CYFIP1: variants seen among roughly 807,000 people sequenced by gnomAD.
CYFIP1 encodes the protein cytoplasmic FMR1-interacting protein 1.
CYFIP1 carries 58 observed loss-of-function variants against 163.5 expected under a neutral mutation model. That is an observed-to-expected ratio of 0.35 (90% CI 0.29 to 0.44). The LOEUF (loss-of-function observed/expected upper bound fraction) is 0.44, where lower values mean the gene tolerates loss of function less well. Ranked by LOEUF, CYFIP1 falls within the 20% of genes least tolerant of loss-of-function variation. The pLI, the probability that CYFIP1 is intolerant of heterozygous loss-of-function variation, is 1.00. For synonymous variants in CYFIP1, 663 were observed against 660.7 expected (o/e 1.00, Z -0.05); for missense variants, 1,338 against 1,653.8 (o/e 0.81, Z 3.31).
In CYFIP1 at chr15:22,892,995, A is replaced by C; in HGVS notation, c.2589-18T>G. On this transcript the variant is annotated intron_variant, in intron 22 of 30. Coordinates refer to ENST00000617928, the MANE Select transcript of CYFIP1 (RefSeq NM_014608.6). Reference sequence around the variant, plus strand: ...GAACAAACCTAAACAAGAAAGATTTAAAAAAGAAAAAGAAACCAAATTTAA... The same window carrying C: ...GAACAAACCTAAACAAGAAAGATTTCAAAAAGAAAAAGAAACCAAATTTAA... 2 of 1,587,774 alleles carry C rather than the reference A, an allele frequency of 1.3e-6. No homozygotes were observed. The highest frequency in any genetic ancestry group is 1.7e-6 in the Non-Finnish European group (2 of 1,160,078).
Position 22,944,923 on chromosome 15 carries a change from T to C in CYFIP1, c.224A>G (p.Glu75Gly). 2 of 1,614,004 alleles carry C rather than the reference T, an allele frequency of 1.2e-6. No individual in the cohort carries two copies. The highest frequency in any genetic ancestry group is 1.7e-6 in the Non-Finnish European group (2 of 1,179,944). The change falls in exon 4 of 31, where the codon GAG (glutamate) becomes GGG (glycine). Residue 75 changes from glutamate (E) to glycine (G), a missense_variant. Glu to Gly is a moderately conservative substitution (Grantham distance 98, BLOSUM62 -2). This residue lies in a region of CYFIP1 where 186 missense variants were observed against 288.3 expected (regional missense o/e 0.65). Transcript: ENST00000617928. ...CAGCATGACAGCATATTCTTGGCCC[T>C]CCTCCAGCATCTCGTTCTGCAATGG... ...VHSSMNEMLE[E>G]GQEYAVMLYT...
chr15:22,870,245 T>C, intron 30 of CYFIP1, 53 bp from the exon 31 acceptor site: 2 of 1,520,376 alleles, frequency 1.3e-6, no homozygotes, highest in Non-Finnish European at 1.8e-6. Flanking sequence ...ACATTTATTC[T>C]TCATGTTTCA....
At chr15:22,956,684 C>T (rs1445698421) in intron 1 of CYFIP1, among the ~76,000 whole-genome samples, 4 of 152,102 alleles carry the variant, frequency 2.6e-5, no homozygotes, top group East Asian at 1.9e-4. Flanking sequence ...AAAGGGGGAA[C>T]GGGTGGCCAC....
At position 22,917,920 on chromosome 15, in the gene CYFIP1, G is replaced by A. The variant is rs1277790492; in HGVS notation, c.1542C>T (p.Ile514=). 1.2e-6 allele frequency: 2 copies of A among 1,613,512 alleles called. No homozygotes were observed. The highest frequency in any genetic ancestry group is 2.7e-5 in the African/African-American group (2 of 75,014). ...TCTCCCAGTCACACACGGTCTTCCT[G>A]ATGGCCTGCAGGACACTGAACACCC... ...KNVIQSVLQA[I]RKTVCDWETG... is the part of the protein sequence containing the mutation. The change falls in exon 15 of 31, where the codon ATC becomes ATT. Residue 514 remains isoleucine, a synonymous_variant. Coordinates refer to ENST00000617928, the MANE Select transcript of CYFIP1 (RefSeq NM_014608.6). This position sits in a 1 kb window ranked among gnomAD's most constrained non-coding sequence, Gnocchi z 4.2.
At chr15:22,883,669 T>C (rs556596287) in intron 23 of CYFIP1, among the ~76,000 whole-genome samples, 6 of 151,894 alleles carry the variant, frequency 4.0e-5, no homozygotes, top group Non-Finnish European at 8.8e-5. Context: ...TACAAAAAAT[T>C]AGCCGGGCGT....
In CYFIP1 at chr15:22,917,775, A is replaced by G; in HGVS notation, c.1674+13T>C. ...CAGGGAGAGGGTGCAGGCGGGGCTC[A>G]AGGGACGAGAACCTGAGTGCTGGAG... On this transcript the variant is annotated intron_variant, in intron 15 of 30. Transcript: ENST00000617928. The surrounding 1 kb of genome is among the most constrained non-coding windows in gnomAD (Gnocchi z 4.2). 1 of 1,591,274 alleles carries G rather than the reference A, an allele frequency of 6.3e-7. No individual in the cohort carries two copies.
At position 22,881,839 on chromosome 15, in the gene CYFIP1, C is replaced by T. The variant is rs548468633; in HGVS notation, c.2911+7G>A. The T allele has an allele frequency of 3.4e-4, 549 of 1,609,304 alleles. 6 individuals carry two copies. In the South Asian group the frequency reaches 5.5e-3, roughly 16 times the overall value. On this transcript the variant is annotated splice_region_variant and intron_variant, in intron 25 of 30. Transcript: ENST00000617928. ...CAGCACTGTGAGCTCCACACGCCCG[C>T]ACTCACCAGGAGAGCCGTACTCGTG...
At chr15:22,880,081 A>C in intron 25 of CYFIP1, 38 bp from the exon 26 acceptor site, 1 of 1,603,670 alleles carries the variant, frequency 6.2e-7, no homozygotes, top group Middle Eastern at 2.1e-4. Flanking sequence ...GGGGGACTGG[A>C]GGGGGCCGGG....
At position 22,917,852 on chromosome 15, in the gene CYFIP1, T is replaced by C. The variant is rs1321526163; in HGVS notation, c.1610A>G (p.Lys537Arg). 1.9e-6 allele frequency: 3 copies of C among 1,613,750 alleles called. No homozygotes were observed. The highest frequency in any genetic ancestry group is 3.3e-5 in the Admixed American group (2 of 59,958). Residue 537 changes from lysine to arginine, a missense_variant, in exon 15 of 31, where the codon AAG becomes AGG. Around this residue, in one of 4 missense-constraint regions of CYFIP1, gnomAD observed 824 missense variants for 995.7 expected, o/e 0.83. Coordinates refer to ENST00000617928, the MANE Select transcript of CYFIP1 (RefSeq NM_014608.6). The surrounding 1 kb of genome is among the most constrained non-coding windows in gnomAD (Gnocchi z 4.2). ...TATGTCGAAGCCGCTCTTGGGGTCC[T>C]TCTCGCCCCGCAAGGCTGGGTCATT... ...PFNDPALRGE[K>R]DPKSGFDIKV...
chr15:22,873,231 A>G (rs925935851), intron 29 of CYFIP1, among the ~76,000 whole-genome samples: 2 of 152,142 alleles, frequency 1.3e-5, no homozygotes, highest in South Asian at 4.2e-4. Flanking sequence ...GAATGACTCT[A>G]TGGACCTCCC....
rs147115985 is a variant in CYFIP1, at chr15:22,927,986, C to T, written c.1153G>A (p.Ala385Thr). 3,857 of 1,595,912 alleles carry T rather than the reference C, an allele frequency of 2.4e-3. 101 individuals are homozygous for T. In the African/African-American group the frequency reaches 0.045, roughly 19 times the overall value. ...AGGTCGAAGAGCTTGCGGTACTCCG[C>T]GTCCGTCTTCTGGGCCTCCTGGCGG... ...SGRQEAQKTDAEYRKLFDLAL... is the reference protein window; with the variant it reads ...SGRQEAQKTDTEYRKLFDLAL... Residue 385 changes from alanine to threonine, a missense_variant, in exon 12 of 31, where the codon GCG becomes ACG. Physicochemically the swap from Ala to Thr is moderately conservative, Grantham distance 58. Transcript: ENST00000617928.
At chr15:22,908,976 G>A (rs1372546555) in intron 21 of CYFIP1, among the ~76,000 whole-genome samples, 1 of 143,898 alleles carries the variant, frequency 6.9e-6, no homozygotes, top group East Asian at 2.1e-4. Flanking sequence ...AACACTGAGT[G>A]TAGGCTTGGT....
At chr15:22,878,117 C>T (rs963791617) in intron 26 of CYFIP1, among the ~76,000 whole-genome samples, 3 of 152,162 alleles carry the variant, frequency 2.0e-5, no homozygotes, top group Non-Finnish European at 2.9e-5. Flanking sequence ...TAGGAAAGGC[C>T]TCCCCAGGCA....
chr15:22,874,137 C>T (rs777665215), intron 28 of CYFIP1, among the ~76,000 whole-genome samples: 1 of 152,200 alleles, frequency 6.6e-6, no homozygotes, highest in Admixed American at 6.5e-5. Flanking sequence ...CCCCAGCCCC[C>T]ACCATAGAGT....
chr15:22,974,881 G>A (rs1157996978), intron 1 of CYFIP1, among the ~76,000 whole-genome samples: 2 of 151,660 alleles, frequency 1.3e-5, no homozygotes, highest in African/African-American at 2.4e-5. Flanking sequence ...AAAGTTACAC[G>A]GTGTATGCCT....
intron 18 of CYFIP1, 61 bp downstream of exon 18, chr15:22,912,118 A>C (rs957940440): frequency 4.1e-6 from 6 of 1,445,956 alleles, no homozygotes; most frequent in Non-Finnish European, 5.7e-6. Context: ...GGGAGAAAAC[A>C]AAAAGAGAAA....
At chr15:22,980,118 A>C (rs1189921229) in intron 1 of CYFIP1, among the ~76,000 whole-genome samples, 169 bp downstream of exon 1, 3 of 126,268 alleles carry the variant, frequency 2.4e-5, no homozygotes, top group African/African-American at 5.9e-5. Flanking sequence ...GGACGCGGGG[A>C]CCAGGACGAT....
intron 3 of CYFIP1, among the ~76,000 whole-genome samples, chr15:22,946,144 A>G (rs1355056565): frequency 6.6e-6 from 1 of 151,886 alleles, no homozygotes; most frequent in Non-Finnish European, 1.5e-5. Context: ...CTCTACAAAA[A>G]ACACAAAAAA....
chr15:22,872,764 C>T, intron 30 of CYFIP1, 61 bp downstream of exon 30: 5 of 1,555,244 alleles, frequency 3.2e-6, no homozygotes, highest in Non-Finnish European at 4.4e-6. Flanking sequence ...GAACTTATAA[C>T]ACAAAGAAAG....
Sources: allele counts gnomAD v4.1 joint callset (sites outside exome capture counted in the v4.1 genomes callset), GRCh38; gene constraint gnomAD v4.1.1; regional missense constraint gnomAD v4.1.1; non-coding constraint Gnocchi (gnomAD v3.1); transcripts MANE v1.5; gene names NCBI Gene and HGNC (gene_info 2026-07-23, HGNC 2026-07-21).